Variants in TRAPPC9 observed in about 807,000 individuals in gnomAD.
The protein encoded by TRAPPC9 is trafficking protein particle complex subunit 9, also known as IKK2 binding protein.
In TRAPPC9, 83 loss-of-function variants were observed where a neutral mutation model predicts 124.0. The observed-to-expected ratio is 0.67, with a 90% CI of 0.56 to 0.80. The LOEUF is 0.80. Ranked by LOEUF, TRAPPC9 falls within the 30% of genes least tolerant of loss-of-function variation. The probability of loss-of-function intolerance (pLI) is 0.00; values close to 1 mark genes in which losing one functional copy is unlikely to be tolerated. For missense variants in TRAPPC9, 1,302 were observed against 1,508.3 expected (o/e 0.86, Z 2.27); for synonymous variants, 638 against 617.5 (o/e 1.03, Z -0.49).
intron 19 of TRAPPC9, among the ~76,000 whole-genome samples, chr8:139,912,222 A>T (rs1015762378): frequency 3.9e-5 from 6 of 152,228 alleles, no homozygotes; most frequent in African/African-American, 1.2e-4. Flanking sequence ...CACTACATAT[A>T]TATGTATAAA....
intron 17 of TRAPPC9, among the ~76,000 whole-genome samples, chr8:140,033,673 T>TTTTTGC (rs1456187769): frequency 5.2e-4 from 40 of 76,730 alleles, no homozygotes; most frequent in Non-Finnish European, 8.6e-4. Flanking sequence ...TTTTTTTTTT[T>TTTTTGC]TTTTTTTTTT....
At chr8:139,744,609 C>T (rs1016944177) in intron 21 of TRAPPC9, among the ~76,000 whole-genome samples, 1 of 152,230 alleles carries the variant, frequency 6.6e-6, no homozygotes. Flanking sequence ...CCCCCATCAG[C>T]GACTGTCAGG....
At chr8:140,082,480 G>A (rs2130021784) in intron 17 of TRAPPC9, among the ~76,000 whole-genome samples, 1 of 152,304 alleles carries the variant, frequency 6.6e-6, no homozygotes, top group African/African-American at 2.4e-5. Flanking sequence ...AGAGGCGAAA[G>A]TGCCACCATG....
At chr8:140,419,966 A>C (rs532535231) in intron 5 of TRAPPC9, among the ~76,000 whole-genome samples, 2 of 152,280 alleles carry the variant, frequency 1.3e-5, no homozygotes, top group African/African-American at 4.8e-5. Flanking sequence ...TAAAAAATCC[A>C]CTAAAAAACT....
intron 17 of TRAPPC9, among the ~76,000 whole-genome samples, chr8:140,130,942 A>G (rs564214159): frequency 3.2e-4 from 49 of 152,362 alleles, no homozygotes; most frequent in Middle Eastern, 3.4e-3. Flanking sequence ...ATAATCTATT[A>G]TTCTCATCAC....
intron 2 of TRAPPC9, among the ~76,000 whole-genome samples, chr8:140,440,032 C>T (rs1268406836): frequency 1.3e-5 from 2 of 152,300 alleles, no homozygotes; most frequent in African/African-American, 2.4e-5. Context: ...GTAACTCTAA[C>T]GAGTTCAACA....
intron 18 of TRAPPC9, among the ~76,000 whole-genome samples, chr8:140,010,894 C>G (rs546599071): frequency 6.6e-6 from 1 of 152,268 alleles, no homozygotes; most frequent in African/African-American, 2.4e-5. Flanking sequence ...AACAGAGAAG[C>G]ATTTAACACA....
rs76065324 is a variant in TRAPPC9 at position 140,104,475 on chromosome 8, T to A, written c.2557-80396A>T. 6.6e-6 allele frequency among the ~76,000 whole-genome samples: 1 copy of A among 152,090 alleles called. No homozygotes were observed. Among genetic ancestry groups the A allele is most frequent in the South Asian group, 2.1e-4 (1 of 4,826 alleles). On this transcript the variant is annotated intron_variant, in intron 17 of 22. Transcript: ENST00000438773. The surrounding 1 kb of genome is among the most constrained non-coding windows in gnomAD (Gnocchi z 4.0). ...AGTTGGATATCTAAGTGGGCACTCA[T>A]GATCTTAGACAAATAATATGCAAGT...
Position 139,732,376 on chromosome 8 carries a change from C to T in TRAPPC9, c.3056-174G>A, listed in dbSNP as rs1205871196. 2.0e-5 allele frequency among the ~76,000 whole-genome samples: 3 copies of T among 152,220 alleles called. No individual in the cohort carries two copies. The highest frequency in any genetic ancestry group is 7.2e-5 in the African/African-American group (3 of 41,456). ...AGATGTGTGACCAGTTCCTGGTCTC[C>T]GGAAGAGGAACCTGGCAAAGACGGG... On this transcript the variant is annotated intron_variant, in intron 21 of 22. Transcript: ENST00000438773.
chr8:139,791,908 G>C (rs1186187685), intron 21 of TRAPPC9, among the ~76,000 whole-genome samples: 1 of 152,138 alleles, frequency 6.6e-6, no homozygotes, highest in Admixed American at 6.5e-5. Context: ...GTGGGGTGGG[G>C]GTGTGGAAGG....
intron 18 of TRAPPC9, among the ~76,000 whole-genome samples, chr8:140,011,549 G>A (rs1403142419): frequency 1.4e-5 from 2 of 140,938 alleles, no homozygotes; most frequent in African/African-American, 5.4e-5. Context: ...CCGTCACCAG[G>A]CTGGAGTGCA....
At chr8:140,307,270 G>A (rs183588752) in intron 10 of TRAPPC9, among the ~76,000 whole-genome samples, 9 of 152,232 alleles carry the variant, frequency 5.9e-5, no homozygotes, top group Admixed American at 1.3e-4. Flanking sequence ...ACACTGCAGC[G>A]GACAGAGCTC....
chr8:139,891,415 T>A (rs1303641245), intron 20 of TRAPPC9, among the ~76,000 whole-genome samples: 1 of 152,220 alleles, frequency 6.6e-6, no homozygotes, highest in Non-Finnish European at 1.5e-5. Flanking sequence ...CACTTCACCC[T>A]CCCTACAGTC....
At chr8:140,445,323 G>A (rs1042770914) in intron 2 of TRAPPC9, among the ~76,000 whole-genome samples, 20 of 152,216 alleles carry the variant, frequency 1.3e-4, no homozygotes, top group Admixed American at 8.5e-4. Flanking sequence ...AATGTGTGCT[G>A]AGTCACCTCT....
At chr8:140,025,762 A>T (rs62527031) in intron 17 of TRAPPC9, among the ~76,000 whole-genome samples, 16,382 of 152,190 alleles carry the variant, frequency 0.11, 1,578 homozygotes, top group African/African-American at 0.26. Context: ...CCCTGAGGCA[A>T]CATGGCTTAG....
At chr8:140,029,175 G>A (rs181527470) in intron 17 of TRAPPC9, among the ~76,000 whole-genome samples, 26 of 152,314 alleles carry the variant, frequency 1.7e-4, no homozygotes, top group Non-Finnish European at 2.9e-5. Context: ...AAAATCTGAA[G>A]AGCCTCATGC....
intron 17 of TRAPPC9, among the ~76,000 whole-genome samples, chr8:140,208,755 T>G (rs879405104): frequency 6.6e-6 from 1 of 152,236 alleles, no homozygotes; most frequent in African/African-American, 2.4e-5. Context: ...CAAAGTCTAC[T>G]GGGGAAACCA....
chr8:140,074,841 G>A (rs1280857674), intron 17 of TRAPPC9, among the ~76,000 whole-genome samples: 1 of 152,180 alleles, frequency 6.6e-6, no homozygotes, highest in African/African-American at 2.4e-5. Context: ...TCAGAGGGCA[G>A]GGACTACGGG....
chr8:139,936,048 G>A (rs955191101), intron 19 of TRAPPC9, among the ~76,000 whole-genome samples: 1 of 152,236 alleles, frequency 6.6e-6, no homozygotes, highest in African/African-American at 2.4e-5. Context: ...CAGGCCTGGA[G>A]TGGCGTCACA....
Sources: allele counts gnomAD v4.1 joint callset (sites outside exome capture counted in the v4.1 genomes callset), GRCh38; gene constraint gnomAD v4.1.1; non-coding constraint Gnocchi (gnomAD v3.1); transcripts MANE v1.5; gene names NCBI Gene and HGNC (gene_info 2026-07-23, HGNC 2026-07-21).